MYORG: variants seen among roughly 807,000 people sequenced by gnomAD.
MYORG encodes myogenesis regulating glycosidase, also known as alpha-galactosidase MYORG.
In MYORG, 45 loss-of-function variants were observed where a neutral mutation model predicts 49.8. The observed-to-expected ratio is 0.90, with a 90% CI of 0.71 to 1.16. The LOEUF (loss-of-function observed/expected upper bound fraction) is 1.16, where lower values mean the gene tolerates loss of function less well. MYORG is among the 50% of genes most tolerant of loss of function. MYORG has a pLI of 0.00. For missense variants in MYORG, 1,110 were observed against 1,026.5 expected (o/e 1.08, Z -1.11); for synonymous variants, 552 against 462.9 (o/e 1.19, Z -2.47).
Position 34,371,435 on chromosome 9 carries a change from C to G in MYORG, c.1509G>C (p.Val503=), listed in dbSNP as rs371059520. The G allele has an allele frequency of 1.1e-4, 178 of 1,613,096 alleles. No individual in the cohort carries two copies. Among genetic ancestry groups the G allele is most frequent in the Non-Finnish European group, 1.4e-4 (162 of 1,179,806 alleles). Residue 503 remains valine, a synonymous_variant, in exon 2 of 2, where the codon GTG becomes GTC. Transcript: ENST00000297625. The part of the protein sequence containing the change: ...MALPFFSLAE[V]RVGYQSQNIS... The stretch of plus-strand genomic sequence containing the variant: ...TGTTCTGTGACTGGTAGCCTACGCG[C>G]ACCTCCGCCAGCGAGAAGAAGGGCA...
At position 34,370,045 on chromosome 9, in the gene MYORG, TC is replaced by T; in HGVS notation, c.*753del. On this transcript the variant is annotated 3_prime_UTR_variant, in exon 2 of 2. Coordinates refer to ENST00000297625, the MANE Select transcript of MYORG (RefSeq NM_020702.5). ...TCTCACACACACACACGCACACTCT[TC>T]AGTTAAGGCACGAAGTCTGGCCTGC... is the stretch of plus-strand genomic sequence containing the variant. The T allele has an allele frequency of 6.5e-6, 1 of 152,882 alleles. No individual in the cohort carries two copies. Among genetic ancestry groups the T allele is most frequent in the East Asian group, 1.9e-4 (1 of 5,178 alleles). The allele number at this position is 152,882 out of a possible 1,614,324, so 9.5% of individuals were successfully genotyped here. A position where few individuals can be genotyped will look rare whatever the true frequency, so the allele number is the denominator to read the frequency against.
In MYORG at chr9:34,368,033, C is replaced by T. The variant is rs1403518934; in HGVS notation, c.*2766G>A. ...AACCTCAGTTCTTGACTTCTGTGCA[C>T]CTGCAGGCTCAACACTACGTGGAAG... On this transcript the variant is annotated 3_prime_UTR_variant, in exon 2 of 2. Transcript: ENST00000297625. The T allele has an allele frequency of 6.6e-6, 1 of 152,270 alleles. No individual in the cohort carries two copies. Among genetic ancestry groups the T allele is most frequent in the Admixed American group, 6.5e-5 (1 of 15,288 alleles). The allele number at this position is 152,270 out of a possible 1,614,324, so 9.4% of individuals were successfully genotyped here.
At chr9:34,374,101 T>G (rs1820684039) in intron 1 of MYORG, among the ~76,000 whole-genome samples, 2 of 152,162 alleles carry the variant, frequency 1.3e-5, no homozygotes, top group Admixed American at 1.3e-4. Context: ...TGGCACCACA[T>G]CTGTGGGCCA....
rs1353700001 is a variant in MYORG at position 34,366,684 on chromosome 9, C to A, written c.*4115G>T. On this transcript the variant is annotated 3_prime_UTR_variant, in exon 2 of 2. Coordinates refer to ENST00000297625, the MANE Select transcript of MYORG (RefSeq NM_020702.5). ...CAAGAAATAGTATTATAATAGCTACCATTTATTGAGCACCTACTTTGTGCC... is the reference window on the plus strand; with the variant it reads ...CAAGAAATAGTATTATAATAGCTACAATTTATTGAGCACCTACTTTGTGCC... 1.3e-5 allele frequency: 2 copies of A among 152,180 alleles called. No homozygotes were observed. Among genetic ancestry groups the A allele is most frequent in the Admixed American group, 1.3e-4 (2 of 15,280 alleles). The allele number at this position is 152,180 out of a possible 1,614,324, so 9.4% of individuals were successfully genotyped here.
In MYORG at chr9:34,372,625, C is replaced by T. The variant is rs770087033; in HGVS notation, c.319G>A (p.Gly107Arg). The part of the protein sequence containing the change: ...AGGFSIRNQK[G>R]EQVFRLAFRS... ...AAGGCCAGGCGGAAGACCTGCTCTC[C>T]CTTCTGATTGCGGATGGAGAAGCCG... Residue 107 changes from glycine (G) to arginine (R), a missense_variant, in exon 2 of 2, where the codon GGA (glycine) becomes AGA (arginine). Coordinates refer to ENST00000297625, the MANE Select transcript of MYORG (RefSeq NM_020702.5). 5 of 1,606,174 alleles carry T rather than the reference C, an allele frequency of 3.1e-6. No homozygotes were observed. The highest frequency in any genetic ancestry group is 3.3e-4 in the Middle Eastern group (2 of 6,074).
At position 34,371,292 on chromosome 9, in the gene MYORG, G is replaced by T; in HGVS notation, c.1652C>A (p.Pro551His). 6.2e-7 allele frequency: 1 copy of T among 1,611,504 alleles called. No homozygotes were observed. Among genetic ancestry groups the T allele is most frequent in the Non-Finnish European group, 8.5e-7 (1 of 1,179,164 alleles). ...CACGGCGTTGCCGCCCACCATATCG[G>T]GTAGGATGAATGGGTAGCCCAGCAT... is the stretch of plus-strand genomic sequence containing the variant. ...VSMLGYPFIL[P>H]DMVGGNAVPQ... Residue 551 changes from proline to histidine, a missense_variant, in exon 2 of 2, where the codon CCC (proline) becomes CAC (histidine). Pro to His is a moderately conservative substitution (Grantham distance 77). Transcript: ENST00000297625.
rs186566172 is a variant in MYORG at position 34,376,359 on chromosome 9, G to A, written c.-64+434C>T. Among the ~76,000 whole-genome samples the A allele has an allele frequency of 6.6e-6, 1 of 152,288 alleles. No homozygotes were observed. Among genetic ancestry groups the A allele is most frequent in the Non-Finnish European group, 1.5e-5 (1 of 68,000 alleles). On this transcript the variant is annotated intron_variant, in intron 1 of 1. Transcript: ENST00000297625. This position sits in a 1 kb window ranked among gnomAD's most constrained non-coding sequence, Gnocchi z 4.4. ...TGCCCCTGCTGAGCCTCTCCCCACCGGACACTCAACCTCAGCCTTGGCTGC... is the reference window on the plus strand; with the variant it reads ...TGCCCCTGCTGAGCCTCTCCCCACCAGACACTCAACCTCAGCCTTGGCTGC...
chr9:34,375,973 C>T (rs578095499), intron 1 of MYORG, among the ~76,000 whole-genome samples: 5 of 152,330 alleles, frequency 3.3e-5, no homozygotes, highest in African/African-American at 1.2e-4. Flanking sequence ...TGAAGTTAGC[C>T]AGGTATCAAG....
rs947825638 is a variant in MYORG, at chr9:34,368,473, A to G, written c.*2326T>C. 6.6e-6 allele frequency: 1 copy of G among 152,484 alleles called. No individual in the cohort carries two copies. Among genetic ancestry groups the G allele is most frequent in the Non-Finnish European group, 1.5e-5 (1 of 68,166 alleles). 9.4% of individuals were successfully genotyped at this position (152,484 alleles called of 1,614,324 possible). On this transcript the variant is annotated 3_prime_UTR_variant, in exon 2 of 2. Transcript: ENST00000297625. ...CTTTTAACAGCACCCAAGTCACCTC[A>G]TGAATGCTTTGCTGCTTAGAAATTT...
At position 34,372,322 on chromosome 9, in the gene MYORG, G is replaced by C. The variant is rs767719053; in HGVS notation, c.622C>G (p.Pro208Ala). 2 of 1,606,730 alleles carry C rather than the reference G, an allele frequency of 1.2e-6. No individual in the cohort carries two copies. Among genetic ancestry groups the C allele is most frequent in the African/African-American group, 2.7e-5 (2 of 74,782 alleles). ...IRLDGQQEPQ[P>A]FVTSDVYSSD... ...GAGTAGACATCGCTGGTGACGAACGGCTGGGGCTCCTGCTGGCCATCCAGG... is the reference window on the plus strand; with the variant it reads ...GAGTAGACATCGCTGGTGACGAACGCCTGGGGCTCCTGCTGGCCATCCAGG... The change falls in exon 2 of 2, where the codon CCG becomes GCG. Residue 208 changes from proline (P) to alanine (A), a missense_variant. Physicochemically the swap from Pro to Ala is conservative, Grantham distance 27 (BLOSUM62 -1). Transcript: ENST00000297625.
Position 34,372,314 on chromosome 9 carries a change from G to T in MYORG, c.630C>A (p.Val210=), listed in dbSNP as rs764553130. 22 of 1,608,888 alleles carry T rather than the reference G, an allele frequency of 1.4e-5. 1 individual carries two copies. The South Asian group carries it at 2.4e-4, about 18-fold the overall frequency. ...LDGQQEPQPF[V]TSDVYSSDAA... ...CGTCGGAGGAGTAGACATCGCTGGT[G>T]ACGAACGGCTGGGGCTCCTGCTGGC... Residue 210 remains valine (V), a synonymous_variant, in exon 2 of 2, where the codon GTC becomes GTA. Transcript: ENST00000297625.
chr9:34,374,663 G>A (rs1820691812), intron 1 of MYORG, among the ~76,000 whole-genome samples: 2 of 151,842 alleles, frequency 1.3e-5, no homozygotes, highest in African/African-American at 4.8e-5. Flanking sequence ...AGGCCAAGGA[G>A]GGCAGATCTC....
At position 34,373,000 on chromosome 9, in the gene MYORG, A is replaced by T. The variant is rs1024899355; in HGVS notation, c.-57T>A. On this transcript the variant is annotated 5_prime_UTR_variant, in exon 2 of 2. The change creates a new upstream start codon in the 5' untranslated region. Coordinates refer to ENST00000297625, the MANE Select transcript of MYORG (RefSeq NM_020702.5). ...GGGCCATCTGACTGAGTTCATCTCA[A>T]CCTGCTCTGAAAGGAGGAGACAGAG... 1 of 1,570,888 alleles carries T rather than the reference A, an allele frequency of 6.4e-7. No individual in the cohort carries two copies. Among genetic ancestry groups the T allele is most frequent in the African/African-American group, 1.4e-5 (1 of 74,018 alleles).
Position 34,372,301 on chromosome 9 carries a change from A to G in MYORG, c.643T>C (p.Tyr215His), listed in dbSNP as rs772853484. ...CCCCCAAACGCGGCGTCGGAGGAGT[A>G]GACATCGCTGGTGACGAACGGCTGG... Reference protein sequence around the residue: ...EPQPFVTSDVYSSDAAFGGIL... With the variant: ...EPQPFVTSDVHSSDAAFGGIL... The change falls in exon 2 of 2, where the codon TAC (tyrosine) becomes CAC (histidine). Residue 215 changes from tyrosine (Y) to histidine (H), a missense_variant. By Grantham distance (83) the Tyr-to-His change is moderately conservative. Coordinates refer to ENST00000297625, the MANE Select transcript of MYORG (RefSeq NM_020702.5). 5.6e-6 allele frequency: 9 copies of G among 1,610,276 alleles called. No homozygotes were observed. Among genetic ancestry groups the G allele is most frequent in the Admixed American group, 1.7e-5 (1 of 59,664 alleles).
At position 34,371,113 on chromosome 9, in the gene MYORG, G is replaced by A. The variant is rs536187898; in HGVS notation, c.1831C>T (p.Arg611Trp). The change falls in exon 2 of 2, where the codon CGG becomes TGG. Residue 611 changes from arginine to tryptophan, a missense_variant. Transcript: ENST00000297625. Reference protein sequence around the residue: ...VAIAQKFAALRASLVAPLLLE... With the variant: ...VAIAQKFAALWASLVAPLLLE... ...AACAGCGGTGCCACAAGCGAGGCCC[G>A]CAGGGCGGCGAACTTCTGCGCGATG... 1.9e-6 allele frequency: 3 copies of A among 1,607,788 alleles called. No homozygotes were observed. The highest frequency in any genetic ancestry group is 4.5e-5 in the East Asian group (2 of 44,668).
Position 34,371,133 on chromosome 9 carries a change from G to C in MYORG, c.1811C>G (p.Ala604Gly), listed in dbSNP as rs749715981. The change falls in exon 2 of 2, where the codon GCG (alanine) becomes GGG (glycine). Residue 604 changes from alanine to glycine, a missense_variant. Ala to Gly is a moderately conservative substitution (Grantham distance 60). Coordinates refer to ENST00000297625, the MANE Select transcript of MYORG (RefSeq NM_020702.5). ...WRYDAEVVAI[A>G]QKFAALRASL... ...GGCCCGCAGGGCGGCGAACTTCTGC[G>C]CGATGGCCACCACTTCCGCGTCGTA... 1 of 1,607,626 alleles carries C rather than the reference G, an allele frequency of 6.2e-7. No homozygotes were observed. The highest frequency in any genetic ancestry group is 8.5e-7 in the Non-Finnish European group (1 of 1,175,896).
At position 34,367,783 on chromosome 9, in the gene MYORG, A is replaced by G. The variant is rs902960317; in HGVS notation, c.*3016T>C. 5 of 152,194 alleles carry G rather than the reference A, an allele frequency of 3.3e-5. No homozygotes were observed. The highest frequency in any genetic ancestry group is 2.0e-4 in the Admixed American group (3 of 15,270). The allele number at this position is 152,194 out of a possible 1,614,324, so 9.4% of individuals were successfully genotyped here. A position where few individuals can be genotyped will look rare whatever the true frequency, so the allele number is the denominator to read the frequency against. On this transcript the variant is annotated 3_prime_UTR_variant, in exon 2 of 2. Transcript: ENST00000297625. Reference sequence around the variant, plus strand: ...GAGTGTCTGTGGCTTTTCCAGGTGCATGGTGCAAGCTGTCAGTGGATATAC... The same window carrying G: ...GAGTGTCTGTGGCTTTTCCAGGTGCGTGGTGCAAGCTGTCAGTGGATATAC...
chr9:34,376,508 C>T lies in MYORG; in HGVS notation c.-64+285G>A, dbSNP rs1006955657. ...TGGAAATGTCAAAGGCAACTCGATCCGGCCCATCTCCCTCTCCTGCCAGGC... is the reference window on the plus strand; with the variant it reads ...TGGAAATGTCAAAGGCAACTCGATCTGGCCCATCTCCCTCTCCTGCCAGGC... On this transcript the variant is annotated intron_variant, in intron 1 of 1. Coordinates refer to ENST00000297625, the MANE Select transcript of MYORG (RefSeq NM_020702.5). This position sits in a 1 kb window ranked among gnomAD's most constrained non-coding sequence, Gnocchi z 4.4. 2.0e-5 allele frequency among the ~76,000 whole-genome samples: 3 copies of T among 152,232 alleles called. No individual in the cohort carries two copies. The highest frequency in any genetic ancestry group is 4.4e-5 in the Non-Finnish European group (3 of 68,038).
Position 34,371,488 on chromosome 9 carries a change from A to G in MYORG, c.1456T>C (p.Trp486Arg). 1 of 1,611,870 alleles carries G rather than the reference A, an allele frequency of 6.2e-7. No homozygotes were observed. The highest frequency in any genetic ancestry group is 8.5e-7 in the Non-Finnish European group (1 of 1,179,742). ...TYRPLPDPSV[W>R]SRRYTEMALP... is the part of the protein sequence containing the mutation. ...GCCATCTCAGTGTAGCGCCGGCTCC[A>G]GACGCTGGGGTCCGGCAGCGGCCGG... Residue 486 changes from tryptophan to arginine, a missense_variant, in exon 2 of 2, where the codon TGG becomes CGG. Physicochemically the swap from Trp to Arg is moderately radical, Grantham distance 101. Transcript: ENST00000297625.
Sources: gnomAD v4.1 joint callset for allele counts (sites outside exome capture counted in the v4.1 genomes callset) on GRCh38, gnomAD v4.1.1 for gene constraint, Gnocchi (gnomAD v3.1) non-coding constraint, MANE v1.5 for transcripts, NCBI Gene and HGNC (gene_info 2026-07-23, HGNC 2026-07-21) for gene names.